Variants in SPHKAP observed in about 807,000 individuals in gnomAD.
The protein encoded by SPHKAP is SPHK1 interactor, AKAP domain containing.
In SPHKAP, 67 loss-of-function variants were observed where a neutral mutation model predicts 137.5. The observed-to-expected ratio is 0.49, with a 90% confidence interval of 0.40 to 0.60. The LOEUF is 0.60. SPHKAP is among the 20% of genes least tolerant of loss of function. SPHKAP has a pLI of 0.00. For missense variants in SPHKAP, 2,097 were observed against 2,069.3 expected (o/e 1.01, Z -0.26); for synonymous variants, 813 against 785.3 (o/e 1.04, Z -0.59).
chr2:228,170,742 A>G (rs1282033418), intron 1 of SPHKAP, among the ~76,000 whole-genome samples: 1 of 152,124 alleles, frequency 6.6e-6, no homozygotes, highest in Non-Finnish European at 1.5e-5. Context: ...TTGGAAAACC[A>G]AAAAAATTTT....
chr2:228,019,398 C>G lies in SPHKAP; in HGVS notation c.1456G>C (p.Glu486Gln). 2 of 1,614,164 alleles carry G rather than the reference C, an allele frequency of 1.2e-6. No individual in the cohort carries two copies. The highest frequency in any genetic ancestry group is 1.7e-6 in the Non-Finnish European group (2 of 1,180,034). ...SVETSSILSG[E>Q]NSSRQPQSAL... ...CTCTGGGGTTGTCTGCTGGAGTTCT[C>G]TCCAGAGAGGATGCTTGAGGTTTCA... Residue 486 changes from glutamate (E) to glutamine (Q), a missense_variant, in exon 7 of 12, where the codon GAG becomes CAG. Coordinates refer to ENST00000392056, the MANE Select transcript of SPHKAP (RefSeq NM_001142644.2).
At chr2:228,158,326 C>CTTTCTT (rs780031162) in intron 1 of SPHKAP, among the ~76,000 whole-genome samples, 1 of 133,094 alleles carries the variant, frequency 7.5e-6, no homozygotes, top group African/African-American at 2.8e-5. Flanking sequence ...TTACTTCTTT[C>CTTTCTT]TTTTTTTTTT....
At chr2:228,140,355 G>A (rs1202457469) in intron 1 of SPHKAP, among the ~76,000 whole-genome samples, 1 of 151,914 alleles carries the variant, frequency 6.6e-6, no homozygotes, top group Non-Finnish European at 1.5e-5. Flanking sequence ...TGTAGTTCAG[G>A]GACATTCAGA....
intron 3 of SPHKAP, among the ~76,000 whole-genome samples, chr2:228,040,423 G>C (rs761265972): frequency 6.6e-6 from 1 of 152,132 alleles, no homozygotes; most frequent in Non-Finnish European, 1.5e-5. Flanking sequence ...CATCAACGGT[G>C]TTATGCCACC....
At chr2:228,158,112 T>C (rs1009909830) in intron 1 of SPHKAP, among the ~76,000 whole-genome samples, 3 of 152,128 alleles carry the variant, frequency 2.0e-5, no homozygotes, top group Non-Finnish European at 4.4e-5. Flanking sequence ...GACTGTGCAC[T>C]CAAGCAAAGC....
intron 7 of SPHKAP, among the ~76,000 whole-genome samples, chr2:228,010,842 A>G (rs1214190593): frequency 1.3e-5 from 2 of 152,092 alleles, no homozygotes; most frequent in Admixed American, 1.3e-4. Flanking sequence ...AGTACTTTAC[A>G]TTCTGTATTT....
intron 3 of SPHKAP, among the ~76,000 whole-genome samples, chr2:228,082,971 T>C (rs1697411004): frequency 6.6e-6 from 1 of 152,210 alleles, no homozygotes; most frequent in Non-Finnish European, 1.5e-5. Context: ...ACCTCTGTGA[T>C]ATCATGGCTC....
At position 227,981,773 on chromosome 2, in the gene SPHKAP, C is replaced by T. The variant is rs376603302; in HGVS notation, c.5047G>A (p.Glu1683Lys). ...CTCAGTCTCCCATCCTTCTGCTCCT[C>T]ATGCATTTTGCAGTACTGGACAACT... ...HAVVQYCKMH[E>K]EQKDGRLSLF... The change falls in exon 12 of 12, where the codon GAG becomes AAG. Residue 1683 changes from glutamate (E) to lysine (K), a missense_variant. Physicochemically the swap from Glu to Lys is moderately conservative, Grantham distance 56. Coordinates refer to ENST00000392056, the MANE Select transcript of SPHKAP (RefSeq NM_001142644.2). The T allele has an allele frequency of 5.0e-6, 8 of 1,613,836 alleles. No homozygotes were observed. In the African/African-American group the frequency reaches 1.1e-4, roughly 22 times the overall value.
intron 11 of SPHKAP, among the ~76,000 whole-genome samples, chr2:227,983,060 T>C (rs1417587531): frequency 6.6e-6 from 1 of 152,148 alleles, no homozygotes; most frequent in East Asian, 1.9e-4. Flanking sequence ...AAGATGAGGA[T>C]TGTGGTTCAG....
intron 3 of SPHKAP, among the ~76,000 whole-genome samples, chr2:228,049,570 C>G (rs564713882): frequency 3.2e-5 from 4 of 124,072 alleles, no homozygotes; most frequent in African/African-American, 9.4e-5. Flanking sequence ...CTGCATGACA[C>G]TAAGGTTTGG....
Position 227,991,290 on chromosome 2 carries a change from C to A in SPHKAP, c.4758G>T (p.Gln1586His). ...GTGGCTTACCCTCTGTGCTTTCTGACTGTCCTTTAAGAATCTTCTTTTCTT... is the reference window on the plus strand; with the variant it reads ...GTGGCTTACCCTCTGTGCTTTCTGAATGTCCTTTAAGAATCTTCTTTTCTT... ...LVEEKKILKG[Q>H]SESTEAPASG... is the part of the protein sequence containing the mutation. Residue 1586 changes from glutamine to histidine, a missense_variant, in exon 10 of 12, where the codon CAG (glutamine) becomes CAT (histidine). By Grantham distance (24) the Gln-to-His change is conservative. Coordinates refer to ENST00000392056, the MANE Select transcript of SPHKAP (RefSeq NM_001142644.2). 6 of 1,614,230 alleles carry A rather than the reference C, an allele frequency of 3.7e-6. No homozygotes were observed. Among genetic ancestry groups the A allele is most frequent in the Non-Finnish European group, 5.1e-6 (6 of 1,180,026 alleles).
At position 227,981,761 on chromosome 2, in the gene SPHKAP, CCTT is replaced by C; in HGVS notation, c.5056_5058del (p.Lys1686del). On this transcript the variant is annotated inframe_deletion, in exon 12 of 12. Transcript: ENST00000392056. ...CAGTCAAAGAGACTCAGTCTCCCATCCTTCTGCTCCTCATGCATTTTGCAGTAC... is the reference window on the plus strand; with the variant it reads ...CAGTCAAAGAGACTCAGTCTCCCATCCTGCTCCTCATGCATTTTGCAGTAC... The C allele has an allele frequency of 2.5e-6, 4 of 1,613,904 alleles. No homozygotes were observed. Among genetic ancestry groups the C allele is most frequent in the Non-Finnish European group, 3.4e-6 (4 of 1,179,812 alleles).
At chr2:228,157,927 T>C (rs184612471) in intron 1 of SPHKAP, among the ~76,000 whole-genome samples, 6 of 152,294 alleles carry the variant, frequency 3.9e-5, no homozygotes, top group African/African-American at 1.4e-4. Context: ...TTAGATAGTT[T>C]TACTTTTTAT....
At chr2:227,991,246 G>T (rs1232550917) in intron 10 of SPHKAP, 28 bp downstream of exon 10, 15 of 1,614,068 alleles carry the variant, frequency 9.3e-6, no homozygotes, top group South Asian at 2.2e-5. Flanking sequence ...AGGCAATTGT[G>T]TGTCAAAAGT....
At chr2:228,154,645 T>C (rs1163798459) in intron 1 of SPHKAP, among the ~76,000 whole-genome samples, 1 of 140,506 alleles carries the variant, frequency 7.1e-6, no homozygotes, top group Non-Finnish European at 1.5e-5. Context: ...ACCTCCCAGG[T>C]TCACGCCATT....
chr2:228,003,414 G>A (rs566605645), intron 7 of SPHKAP, among the ~76,000 whole-genome samples: 1 of 152,290 alleles, frequency 6.6e-6, no homozygotes, highest in East Asian at 1.9e-4. Flanking sequence ...CATTGATTTT[G>A]TATCCTGAGA....
Position 228,025,485 on chromosome 2 carries a change from G to A in SPHKAP, c.350C>T (p.Ser117Phe). 1.2e-6 allele frequency: 2 copies of A among 1,613,912 alleles called. No homozygotes were observed. The highest frequency in any genetic ancestry group is 8.5e-7 in the Non-Finnish European group (1 of 1,179,916). Reference sequence around the variant, plus strand: ...TTCTTTTGGTTGTTGGACATTCATGGAACTGATAAGTTTTGGAAGATCTGG... The same window carrying A: ...TTCTTTTGGTTGTTGGACATTCATGAAACTGATAAGTTTTGGAAGATCTGG... ...VSPDLPKLIS[S>F]MNVQQPKENE... Residue 117 changes from serine to phenylalanine, a missense_variant, in exon 5 of 12, where the codon TCC becomes TTC. Ser to Phe is a radical substitution (Grantham distance 155). Coordinates refer to ENST00000392056, the MANE Select transcript of SPHKAP (RefSeq NM_001142644.2).
At chr2:228,041,373 A>AGT (rs1695834058) in intron 3 of SPHKAP, among the ~76,000 whole-genome samples, 1 of 152,148 alleles carries the variant, frequency 6.6e-6, no homozygotes, top group Non-Finnish European at 1.5e-5. Context: ...GGCTGGGCAC[A>AGT]GTGGCTCACA....
intron 3 of SPHKAP, among the ~76,000 whole-genome samples, chr2:228,050,625 TG>T (rs1277615676): frequency 6.6e-6 from 1 of 152,230 alleles, no homozygotes; most frequent in Non-Finnish European, 1.5e-5. Flanking sequence ...ATTTATATTT[TG>T]TTTATGCTAG....
Sources: gnomAD v4.1 joint callset for allele counts (sites outside exome capture counted in the v4.1 genomes callset) on GRCh38, gnomAD v4.1.1 for gene constraint, MANE v1.5 for transcripts, NCBI Gene and HGNC (gene_info 2026-07-23, HGNC 2026-07-21) for gene names.